PKP4: variants seen among roughly 807,000 people sequenced by gnomAD.
PKP4 encodes plakophilin-4.
In PKP4, 90 loss-of-function variants were observed where a neutral mutation model predicts 145.1. The observed-to-expected ratio is 0.62, with a 90% CI of 0.52 to 0.74. The LOEUF (loss-of-function observed/expected upper bound fraction) is 0.74, where lower values mean the gene tolerates loss of function less well. Among genes scored for constraint, PKP4 ranks in the 30% least tolerant of loss-of-function variants. The pLI, the probability that PKP4 is intolerant of heterozygous loss-of-function variation, is 0.00. For synonymous variants in PKP4, 563 were observed against 577.2 expected, an observed-to-expected ratio of 0.98 and a Z score of 0.35; for missense variants, 1,340 against 1,482.7, an observed-to-expected ratio of 0.90 and a Z score of 1.58.
At chr2:158,638,015 G>C (rs534133927) in intron 9 of PKP4, among the ~76,000 whole-genome samples, 1 of 152,210 alleles carries the variant, frequency 6.6e-6, no homozygotes, top group African/African-American at 2.4e-5. Flanking sequence ...AGGAAATCTT[G>C]ACCCTCAGTG....
chr2:158,554,659 T>G (rs1426878993), intron 2 of PKP4, among the ~76,000 whole-genome samples: 1 of 152,122 alleles, frequency 6.6e-6, no homozygotes, highest in Admixed American at 6.5e-5. Flanking sequence ...TCTCCTGACC[T>G]CGTGATCCGC....
chr2:158,680,800 GTTT>G lies in PKP4; in HGVS notation c.*131_*133del. 3.7e-6 allele frequency: 3 copies of G among 805,696 alleles called. No homozygotes were observed. The South Asian group carries it at 6.2e-5, about 17-fold the overall frequency. The allele number at this position is 805,696 out of a possible 1,614,324, so 49.9% of individuals were successfully genotyped here. A position where few individuals can be genotyped will look rare whatever the true frequency, so the allele number is the denominator to read the frequency against. ...GAAGTGGAAGGAATGAATGAAGTGT[GTTT>G]TTTTTTTCTTTTTTGAGGAATTATC... On this transcript the variant is annotated 3_prime_UTR_variant, in exon 22 of 22. Coordinates refer to ENST00000389759, the MANE Select transcript of PKP4 (RefSeq NM_003628.6).
intron 2 of PKP4, among the ~76,000 whole-genome samples, chr2:158,551,485 C>A (rs1258848036): frequency 6.6e-6 from 1 of 152,124 alleles, no homozygotes; most frequent in Non-Finnish European, 1.5e-5. Context: ...ATTCAATCAC[C>A]CTCGCCCTTC....
chr2:158,533,035 T>A (rs1481498619), intron 1 of PKP4, 145 bp from the exon 2 acceptor site: 1 of 696,294 alleles, frequency 1.4e-6, no homozygotes, highest in Admixed American at 3.4e-5. Flanking sequence ...TGGTTACCTG[T>A]TTAGAAAATT....
chr2:158,661,145 G>A (rs1050457728), intron 12 of PKP4, 188 bp from the exon 13 acceptor site: 3 of 512,532 alleles, frequency 5.9e-6, no homozygotes, highest in Non-Finnish European at 1.1e-5. Context: ...TCCCTTCCAT[G>A]TGTGGATAAT....
intron 2 of PKP4, among the ~76,000 whole-genome samples, chr2:158,561,368 G>T (rs2046499062): frequency 6.6e-6 from 1 of 152,182 alleles, no homozygotes; most frequent in South Asian, 2.1e-4. Context: ...CCGAAAGCTT[G>T]TTAAAGCTCT....
chr2:158,461,379 T>C (rs1316114759), intron 1 of PKP4, among the ~76,000 whole-genome samples: 4 of 152,238 alleles, frequency 2.6e-5, no homozygotes, highest in Non-Finnish European at 5.9e-5. Context: ...ATATCACTGA[T>C]CATTTTATTA....
chr2:158,555,844 A>G (rs2046042234), intron 2 of PKP4, among the ~76,000 whole-genome samples: 2 of 152,174 alleles, frequency 1.3e-5, no homozygotes, highest in African/African-American at 4.8e-5. Flanking sequence ...GTTTGTTCTC[A>G]AAATACCATC....
chr2:158,651,142 C>T (rs960436891), intron 11 of PKP4, among the ~76,000 whole-genome samples: 2 of 152,198 alleles, frequency 1.3e-5, no homozygotes, highest in Admixed American at 6.5e-5. Context: ...TTCAGTTTCA[C>T]TTAGATTTCG....
In PKP4 at chr2:158,457,095, G is replaced by A. The variant is rs1688856029; in HGVS notation, c.-129G>A. ...TCCGGGGGCGGGGGCCGGTGGGGGA[G>A]GGAGGGGCGGGCAGCCGCGCCGCCG... On this transcript the variant is annotated 5_prime_UTR_variant, in exon 1 of 22. Coordinates refer to ENST00000389759, the MANE Select transcript of PKP4 (RefSeq NM_003628.6). 6.6e-6 allele frequency: 1 copy of A among 150,478 alleles called. No individual in the cohort carries two copies. The highest frequency in any genetic ancestry group is 2.4e-5 in the African/African-American group (1 of 41,058). 9.3% of individuals were successfully genotyped at this position (150,478 alleles called of 1,614,324 possible).
intron 4 of PKP4, among the ~76,000 whole-genome samples, chr2:158,617,171 A>G (rs1441230171): frequency 6.6e-6 from 1 of 152,186 alleles, no homozygotes; most frequent in Non-Finnish European, 1.5e-5. Flanking sequence ...GATTCCAATA[A>G]TTTTGCAGTC....
At chr2:158,677,006 C>T (rs2058072991) in intron 20 of PKP4, 139 bp downstream of exon 20, 2 of 1,018,152 alleles carry the variant, frequency 2.0e-6, no homozygotes, top group Admixed American at 3.9e-5. Flanking sequence ...CATTCCCTTT[C>T]CTACTTTGGG....
chr2:158,631,734 G>T lies in PKP4; in HGVS notation c.1154-19G>T. ...TGTGATTGTCTCAGTTCTTAACGATGTAATTTTTGTGCCTCTAGGCTTACG... is the reference window on the plus strand; with the variant it reads ...TGTGATTGTCTCAGTTCTTAACGATTTAATTTTTGTGCCTCTAGGCTTACG... On this transcript the variant is annotated intron_variant, in intron 7 of 21. Transcript: ENST00000389759. 3.7e-6 allele frequency: 6 copies of T among 1,605,306 alleles called. No individual in the cohort carries two copies. The highest frequency in any genetic ancestry group is 5.1e-6 in the Non-Finnish European group (6 of 1,172,098).
intron 20 of PKP4, 118 bp from the exon 21 acceptor site, chr2:158,678,463 A>C: frequency 2.7e-6 from 2 of 736,938 alleles, no homozygotes; most frequent in South Asian, 3.1e-5. Context: ...CCGCATTGGC[A>C]CTGGGGAAGA....
In PKP4 at chr2:158,642,338, A is replaced by G. The variant is rs2253652; in HGVS notation, c.1696-148A>G. 0.75 allele frequency: 448,112 copies of G among 598,180 alleles called. 172,636 individuals carry two copies. Among genetic ancestry groups the G allele is most frequent in the East Asian group, 0.9 (32,090 of 35,496 alleles). The allele number at this position is 598,180 out of a possible 1,614,324, so 37.1% of individuals were successfully genotyped here. A position where few individuals can be genotyped will look rare whatever the true frequency, so the allele number is the denominator to read the frequency against. ...CGCACCTGGCCTCTCCTTAGAATGTATAAAAGTTGTCTTATTTGGAATAAA... is the reference window on the plus strand; with the variant it reads ...CGCACCTGGCCTCTCCTTAGAATGTGTAAAAGTTGTCTTATTTGGAATAAA... On this transcript the variant is annotated intron_variant, in intron 10 of 21. Transcript: ENST00000389759.
At chr2:158,571,541 T>G (rs1020022579) in intron 2 of PKP4, among the ~76,000 whole-genome samples, 10 of 152,020 alleles carry the variant, frequency 6.6e-5, no homozygotes, top group Non-Finnish European at 1.5e-4. Context: ...CCAGAGAGGG[T>G]TGTAGGAAAA....
At chr2:158,465,269 T>C (rs1690428705) in intron 1 of PKP4, among the ~76,000 whole-genome samples, 1 of 152,244 alleles carries the variant, frequency 6.6e-6, no homozygotes, top group Admixed American at 6.5e-5. Flanking sequence ...TGCTTAATTG[T>C]GTATTACATG....
intron 17 of PKP4, 121 bp downstream of exon 17, chr2:158,670,036 C>T (rs764148175): frequency 3.0e-5 from 23 of 765,492 alleles, no homozygotes; most frequent in South Asian, 1.1e-4. Context: ...TCTTACATGC[C>T]GATAAGCTAA....
intron 1 of PKP4, among the ~76,000 whole-genome samples, chr2:158,500,468 C>T (rs1696384872): frequency 6.6e-6 from 1 of 152,222 alleles, no homozygotes; most frequent in Non-Finnish European, 1.5e-5. Context: ...AGACACAAAG[C>T]CTGCTCTGTT....
Sources: allele counts gnomAD v4.1 joint callset (sites outside exome capture counted in the v4.1 genomes callset), GRCh38; gene constraint gnomAD v4.1.1; transcripts MANE v1.5; gene names NCBI Gene and HGNC (gene_info 2026-07-23, HGNC 2026-07-21).